DNAH12: variants seen among roughly 807,000 people sequenced by gnomAD.
The protein encoded by DNAH12 is dynein axonemal heavy chain 12, also known as axonemal beta dynein heavy chain 12.
A neutral mutation model predicts 371.5 loss-of-function variants in DNAH12; 285 were observed. The observed-to-expected ratio is 0.77, with a 90% CI of 0.70 to 0.85. The LOEUF is 0.85. Among genes scored for constraint, DNAH12 ranks in the 40% least tolerant of loss-of-function variants. The pLI is 0.00. For missense variants in DNAH12, 3,611 were observed against 3,689.4 expected, an observed-to-expected ratio of 0.98 and a Z score of 0.55; for synonymous variants, 1,200 against 1,213.0, an observed-to-expected ratio of 0.99 and a Z score of 0.22.
intron 25 of DNAH12, among the ~76,000 whole-genome samples, chr3:57,449,774 C>A (rs2065690832): frequency 6.6e-6 from 1 of 152,208 alleles, no homozygotes; most frequent in Non-Finnish European, 1.5e-5. Flanking sequence ...CAGCCTTGGC[C>A]AGCCCAGAAA....
chr3:57,362,843 C>T (rs2062967270), intron 58 of DNAH12, among the ~76,000 whole-genome samples: 1 of 152,130 alleles, frequency 6.6e-6, no homozygotes, highest in Non-Finnish European at 1.5e-5. Flanking sequence ...AGGGAAGTTT[C>T]CTTTGCTGTG....
At chr3:57,420,488 CAT>C in intron 36 of DNAH12, among the ~76,000 whole-genome samples, 1 of 152,140 alleles carries the variant, frequency 6.6e-6, no homozygotes, top group East Asian at 1.9e-4. Flanking sequence ...TATATATGTA[CAT>C]ATTTTACAGT....
At position 57,454,844 on chromosome 3, in the gene DNAH12, T is replaced by C; in HGVS notation, c.3387A>G (p.Gln1129=). 1.3e-6 allele frequency: 2 copies of C among 1,551,350 alleles called. No homozygotes were observed. The highest frequency in any genetic ancestry group is 1.7e-6 in the Non-Finnish European group (2 of 1,146,776). ...RRDWVREWPG[Q]VVLCISQMFW... ...ACATTTGAGAAATACAAAGTACAAC[T>C]TGGCCAGGCCACTCTCGAACCCAGT... Residue 1129 remains glutamine (Q), a synonymous_variant, in exon 23 of 74, where the codon CAA becomes CAG. Coordinates refer to ENST00000495027, the MANE Select transcript of DNAH12 (RefSeq NM_001366028.2).
chr3:57,301,989 C>A, intron 69 of DNAH12, 50 bp from the exon 70 acceptor site: 1 of 1,505,612 alleles, frequency 6.6e-7, no homozygotes, highest in Non-Finnish European at 9.0e-7. Context: ...TATCAACATA[C>A]GGTCTTTCCA....
chr3:57,389,817 T>TGTGTGTGTGTGTGTGTGTGTGG, intron 45 of DNAH12, among the ~76,000 whole-genome samples: 1 of 94,538 alleles, frequency 1.1e-5, no homozygotes. Context: ...TGTGTGTGTG[T>TGTGTGTGTGTGTGTGTGTGTGG]GTGTGTATAT....
intron 60 of DNAH12, among the ~76,000 whole-genome samples, chr3:57,339,622 T>C (rs913951960): frequency 6.6e-6 from 1 of 151,934 alleles, no homozygotes; most frequent in Non-Finnish European, 1.5e-5. Context: ...CATAAAACTT[T>C]GAAAAAAAAT....
chr3:57,491,560 GA>G (rs897311782), intron 11 of DNAH12, among the ~76,000 whole-genome samples: 33 of 152,202 alleles, frequency 2.2e-4, no homozygotes, highest in African/African-American at 7.9e-4. Flanking sequence ...AGCAACTCAT[GA>G]CCAATCTTTT....
chr3:57,374,542 A>G lies in DNAH12; in HGVS notation c.8759+829T>C, dbSNP rs954538297. Among the ~76,000 whole-genome samples the G allele has an allele frequency of 1.2e-4, 18 of 152,322 alleles. 1 individual carries two copies. Among genetic ancestry groups the G allele is most frequent in the African/African-American group, 4.3e-4 (18 of 41,576 alleles). ...GACTAACAATGATAGCTAATAAAAA[A>G]GGTACCCATGAAATTGCATAAATTA... On this transcript the variant is annotated intron_variant, in intron 55 of 73. Transcript: ENST00000495027.
intron 44 of DNAH12, among the ~76,000 whole-genome samples, chr3:57,393,008 G>A (rs2063657372): frequency 1.3e-5 from 2 of 152,042 alleles, no homozygotes; most frequent in Non-Finnish European, 2.9e-5. Flanking sequence ...TGTTGTTGTT[G>A]TTTTGTCCTC....
intron 13 of DNAH12, among the ~76,000 whole-genome samples, chr3:57,474,786 GTC>G (rs2153381541): frequency 6.6e-6 from 1 of 150,616 alleles, no homozygotes; most frequent in East Asian, 2.0e-4. Context: ...GTGAAACCCC[GTC>G]TCTACTAAAA....
chr3:57,302,036 G>C, intron 69 of DNAH12, 97 bp from the exon 70 acceptor site: 1 of 1,347,494 alleles, frequency 7.4e-7, no homozygotes, highest in South Asian at 1.4e-5. Context: ...CCAGCTTTAT[G>C]GGATTGCTTC....
At chr3:57,495,283 G>A (rs1173201617) in intron 11 of DNAH12, among the ~76,000 whole-genome samples, 1 of 152,102 alleles carries the variant, frequency 6.6e-6, no homozygotes, top group Non-Finnish European at 1.5e-5. Context: ...CAGGGGCCAG[G>A]CACGGTGGCT....
intron 57 of DNAH12, among the ~76,000 whole-genome samples, chr3:57,365,601 C>T (rs2063033501): frequency 6.6e-6 from 1 of 152,024 alleles, no homozygotes; most frequent in African/African-American, 2.4e-5. Context: ...GCACATGTAT[C>T]CTGGAACTTA....
chr3:57,348,180 C>T (rs1575486759), intron 60 of DNAH12, among the ~76,000 whole-genome samples: 1 of 152,034 alleles, frequency 6.6e-6, no homozygotes, highest in Non-Finnish European at 1.5e-5. Context: ...TAATTCAGCA[C>T]TAAAAAGAAA....
intron 65 of DNAH12, among the ~76,000 whole-genome samples, chr3:57,322,137 A>C (rs1483262288): frequency 1.3e-5 from 2 of 152,200 alleles, no homozygotes; most frequent in African/African-American, 4.8e-5. Context: ...ATTTATTTCG[A>C]TGTCTACTGT....
In DNAH12 at chr3:57,507,633, G is replaced by A. The variant is rs1392267346; in HGVS notation, c.897+10C>T. On this transcript the variant is annotated intron_variant, in intron 8 of 73. Transcript: ENST00000495027. Reference sequence around the variant, plus strand: ...AACATTATCATTTAATATATATAAAGTGTATGTACCTGATTTGACATAAGT... The same window carrying A: ...AACATTATCATTTAATATATATAAAATGTATGTACCTGATTTGACATAAGT... 6.4e-7 allele frequency: 1 copy of A among 1,570,034 alleles called. No homozygotes were observed. The highest frequency in any genetic ancestry group is 8.6e-7 in the Non-Finnish European group (1 of 1,167,026).
At chr3:57,317,179 A>G (rs931175440) in intron 65 of DNAH12, among the ~76,000 whole-genome samples, 5 of 152,306 alleles carry the variant, frequency 3.3e-5, no homozygotes, top group East Asian at 1.9e-4. Flanking sequence ...TTGAACATGC[A>G]AATTTGTTTG....
chr3:57,443,440 T>C (rs1186323045), intron 29 of DNAH12, among the ~76,000 whole-genome samples: 1 of 152,200 alleles, frequency 6.6e-6, no homozygotes, highest in African/African-American at 2.4e-5. Flanking sequence ...ATTCTGGTTT[T>C]CTATAACGGC....
At chr3:57,376,276 A>G (rs1014337421) in intron 53 of DNAH12, among the ~76,000 whole-genome samples, 31 of 151,664 alleles carry the variant, frequency 2.0e-4, no homozygotes, top group African/African-American at 6.8e-4. Flanking sequence ...TTTCTCTTGG[A>G]TGATTTGGTC....
Sources: gnomAD v4.1 joint callset for allele counts (sites outside exome capture counted in the v4.1 genomes callset) on GRCh38, gnomAD v4.1.1 for gene constraint, MANE v1.5 for transcripts, NCBI Gene and HGNC (gene_info 2026-07-23, HGNC 2026-07-21) for gene names.